OXCT1: variants seen among roughly 807,000 people sequenced by gnomAD.
OXCT1 encodes succinyl-CoA:3-ketoacid coenzyme A transferase 1, mitochondrial.
A neutral mutation model predicts 69.6 loss-of-function variants in OXCT1; 27 were observed. The observed-to-expected ratio is 0.39, with a 90% CI of 0.29 to 0.54. OXCT1 has a LOEUF of 0.54. Ranked by LOEUF, OXCT1 falls within the 20% of genes least tolerant of loss-of-function variation. The probability of loss-of-function intolerance (pLI) is 0.72; values close to 1 mark genes in which losing one functional copy is unlikely to be tolerated. For missense variants in OXCT1, 437 were observed against 650.2 expected, an observed-to-expected ratio of 0.67 and a Z score of 3.57; for synonymous variants, 202 against 217.8, an observed-to-expected ratio of 0.93 and a Z score of 0.64.
chr5:41,826,044 G>A (rs1196636734), intron 7 of OXCT1, among the ~76,000 whole-genome samples: 8 of 152,160 alleles, frequency 5.3e-5, no homozygotes, highest in Admixed American at 3.9e-4. Flanking sequence ...TCATCAATTT[G>A]AGGGTGTACA....
intron 15 of OXCT1, among the ~76,000 whole-genome samples, chr5:41,741,530 G>A (rs1743169573): frequency 6.6e-6 from 1 of 152,122 alleles, no homozygotes; most frequent in South Asian, 2.1e-4. Context: ...TGAGACAGTG[G>A]GGGCAGCATA....
intron 15 of OXCT1, among the ~76,000 whole-genome samples, chr5:41,745,594 A>C (rs1743440072): frequency 6.6e-6 from 1 of 152,222 alleles, no homozygotes; most frequent in Non-Finnish European, 1.5e-5. Flanking sequence ...CCCTTCAAAA[A>C]ATCAGTGAAT....
At chr5:41,844,629 T>C (rs1380534833) in intron 5 of OXCT1, among the ~76,000 whole-genome samples, 4 of 152,006 alleles carry the variant, frequency 2.6e-5, no homozygotes, top group Non-Finnish European at 4.4e-5. Flanking sequence ...CTCTAGACTC[T>C]CCCCTGATAT....
intron 13 of OXCT1, among the ~76,000 whole-genome samples, chr5:41,789,303 G>A (rs1745800666): frequency 6.6e-6 from 1 of 152,110 alleles, no homozygotes; most frequent in South Asian, 2.1e-4. Context: ...ATAGGCAGTG[G>A]GCCAGATTTG....
chr5:41,844,478 C>T (rs373529226), intron 5 of OXCT1, among the ~76,000 whole-genome samples: 3 of 152,182 alleles, frequency 2.0e-5, no homozygotes, highest in African/African-American at 7.2e-5. Context: ...TTACTAATCA[C>T]TCTTTCCCAT....
intron 7 of OXCT1, among the ~76,000 whole-genome samples, chr5:41,823,827 A>T (rs140626927): frequency 1.3e-5 from 2 of 152,170 alleles, no homozygotes; most frequent in Non-Finnish European, 1.5e-5. Context: ...GGAAAAAAAC[A>T]TTCTGTCTTC....
At chr5:41,818,193 G>GGAGAAGACATGGAGA (rs1747343144) in intron 7 of OXCT1, among the ~76,000 whole-genome samples, 2 of 152,220 alleles carry the variant, frequency 1.3e-5, no homozygotes, top group East Asian at 3.9e-4. Context: ...GAGAAGACAG[G>GGAGAAGACATGGAGA]TAACCAGAGT....
intron 7 of OXCT1, among the ~76,000 whole-genome samples, chr5:41,836,157 C>G (rs957148521): frequency 6.6e-6 from 1 of 152,172 alleles, no homozygotes; most frequent in Non-Finnish European, 1.5e-5. Context: ...GAGTCATTCC[C>G]TGGCTGGTTT....
chr5:41,749,758 T>C (rs982257884), intron 14 of OXCT1, 151 bp from the exon 15 acceptor site: 5 of 629,332 alleles, frequency 7.9e-6, no homozygotes, highest in African/African-American at 3.8e-5. Flanking sequence ...TTTTTTACTC[T>C]TTTTTTGGAG....
intron 7 of OXCT1, among the ~76,000 whole-genome samples, chr5:41,822,464 C>A (rs766463120): frequency 6.6e-6 from 1 of 152,092 alleles, no homozygotes; most frequent in Non-Finnish European, 1.5e-5. Flanking sequence ...GAAATTAATA[C>A]AACTGCTCCA....
intron 16 of OXCT1, among the ~76,000 whole-genome samples, chr5:41,732,470 A>G (rs1012556195): frequency 1.6e-4 from 24 of 152,208 alleles, no homozygotes. Context: ...CGGTTGCAGG[A>G]GAACCATAAA....
At chr5:41,842,330 T>C (rs1051670106) in intron 6 of OXCT1, among the ~76,000 whole-genome samples, 2 of 152,212 alleles carry the variant, frequency 1.3e-5, no homozygotes, top group African/African-American at 2.4e-5. Flanking sequence ...ACATGTAAAT[T>C]ACAATATCAA....
intron 14 of OXCT1, among the ~76,000 whole-genome samples, chr5:41,751,039 A>C (rs1743757142): frequency 6.6e-6 from 1 of 152,184 alleles, no homozygotes; most frequent in Admixed American, 6.6e-5. Context: ...GAAAATTTAT[A>C]GTTGCAGAAA....
chr5:41,748,342 AAGG>A (rs1321303765), intron 15 of OXCT1, among the ~76,000 whole-genome samples: 7 of 152,098 alleles, frequency 4.6e-5, no homozygotes, highest in Non-Finnish European at 7.4e-5. Context: ...GGGCTGATGG[AAGG>A]AGGAGAGGAC....
intron 7 of OXCT1, among the ~76,000 whole-genome samples, chr5:41,817,028 C>T (rs182896972): frequency 8.5e-5 from 13 of 152,090 alleles, no homozygotes; most frequent in Admixed American, 3.3e-4. Context: ...TAAAGCTGAT[C>T]GAGGTCCCAA....
At chr5:41,750,927 C>T (rs915254885) in intron 14 of OXCT1, among the ~76,000 whole-genome samples, 2 of 152,052 alleles carry the variant, frequency 1.3e-5, no homozygotes, top group Non-Finnish European at 2.9e-5. Context: ...TTTAAAAAAA[C>T]TATTACTTTA....
intron 15 of OXCT1, among the ~76,000 whole-genome samples, chr5:41,743,227 C>T (rs953435877): frequency 1.5e-4 from 23 of 152,116 alleles, no homozygotes; most frequent in African/African-American, 5.6e-4. Context: ...CTCTGATGGC[C>T]AGTGATGATG....
In OXCT1 at chr5:41,870,126, G is replaced by A; in HGVS notation, c.78+155C>T. On this transcript the variant is annotated intron_variant, in intron 1 of 16. Transcript: ENST00000196371. This position sits in a 1 kb window ranked among gnomAD's most constrained non-coding sequence, Gnocchi z 4.2. ...CCGAGGGGCCGGCGAGGCCAGGAAC[G>A]CGTCGCCGCGTGTCCGTGACCAGGG... 1 of 710,572 alleles carries A rather than the reference G, an allele frequency of 1.4e-6. No individual in the cohort carries two copies. The highest frequency in any genetic ancestry group is 2.6e-6 in the Non-Finnish European group (1 of 391,752). 44.0% of individuals were successfully genotyped at this position (710,572 alleles called of 1,614,324 possible). A position where few individuals can be genotyped will look rare whatever the true frequency, so the allele number is the denominator to read the frequency against.
intron 14 of OXCT1, among the ~76,000 whole-genome samples, chr5:41,753,492 C>T (rs2112067805): frequency 6.6e-6 from 1 of 152,222 alleles, no homozygotes; most frequent in African/African-American, 2.4e-5. Context: ...ACACATACCA[C>T]CACATACCTC....
Sources: gnomAD v4.1 joint callset for allele counts (sites outside exome capture counted in the v4.1 genomes callset) on GRCh38, gnomAD v4.1.1 for gene constraint, Gnocchi (gnomAD v3.1) non-coding constraint, MANE v1.5 for transcripts, NCBI Gene and HGNC (gene_info 2026-07-23, HGNC 2026-07-21) for gene names.